Variants in SETBP1 observed in about 807,000 individuals in gnomAD.
The protein encoded by SETBP1 is SET binding protein 1, also known as SET-binding protein.
In SETBP1, 9 loss-of-function variants were observed where a neutral mutation model predicts 101.0. That is an observed-to-expected ratio of 0.09 (90% CI 0.05 to 0.16). The LOEUF is 0.16. Among genes scored for constraint, SETBP1 ranks in the 10% least tolerant of loss-of-function variants. SETBP1 has a pLI of 1.00. For missense variants in SETBP1, 1,858 were observed against 2,033.8 expected (o/e 0.91, Z 1.66); for synonymous variants, 818 against 788.5 (o/e 1.04, Z -0.63).
chr18:45,027,047 C>T (rs1387804771), intron 4 of SETBP1, among the ~76,000 whole-genome samples: 1 of 152,128 alleles, frequency 6.6e-6, no homozygotes, highest in African/African-American at 2.4e-5. Context: ...TCTAATACCT[C>T]TCCATTCTAA....
chr18:44,991,321 A>G (rs2072373819), intron 4 of SETBP1, among the ~76,000 whole-genome samples: 1 of 151,830 alleles, frequency 6.6e-6, no homozygotes, highest in Non-Finnish European at 1.5e-5. Flanking sequence ...TAAAATAATA[A>G]TAACAGTAAA....
intron 4 of SETBP1, among the ~76,000 whole-genome samples, chr18:45,033,828 G>T (rs2073344254): frequency 6.6e-6 from 1 of 152,164 alleles, no homozygotes; most frequent in African/African-American, 2.4e-5. Flanking sequence ...GGGAATCAGA[G>T]AATCTAGATC....
In SETBP1 at chr18:44,907,635, T is replaced by C. The variant is rs922843983; in HGVS notation, c.540+38352T>C. ...TGTTGATCATCTTTTCCTGTGCTTC[T>C]GGCCATATGTATATTTTTTGGAAAA... On this transcript the variant is annotated intron_variant, in intron 3 of 5. Transcript: ENST00000649279. Among the ~76,000 whole-genome samples the C allele has an allele frequency of 2.2e-4, 34 of 152,368 alleles. 1 individual carries two copies. Among genetic ancestry groups the C allele is most frequent in the Middle Eastern group, 3.4e-3 (1 of 294 alleles).
chr18:44,719,065 A>G (rs1009424906), intron 2 of SETBP1, among the ~76,000 whole-genome samples: 2 of 152,198 alleles, frequency 1.3e-5, no homozygotes, highest in Admixed American at 6.5e-5. Flanking sequence ...TGATATATTT[A>G]ATCTATGGGA....
chr18:44,976,174 T>C (rs1055856691), intron 4 of SETBP1, among the ~76,000 whole-genome samples: 2 of 151,742 alleles, frequency 1.3e-5, no homozygotes, highest in Admixed American at 1.3e-4. Flanking sequence ...AAGTCCCCTT[T>C]TGCACAAGGC....
At chr18:44,970,576 A>G (rs1036631116) in intron 4 of SETBP1, among the ~76,000 whole-genome samples, 1 of 151,550 alleles carries the variant, frequency 6.6e-6, no homozygotes, top group Non-Finnish European at 1.5e-5. Flanking sequence ...TTTGGAACAG[A>G]GTGTTGCTCT....
intron 4 of SETBP1, chr18:44,985,977 T>C (rs2072223764): frequency 6.6e-6 from 1 of 152,136 alleles, no homozygotes; most frequent in South Asian, 2.1e-4. Flanking sequence ...TTTTTAGTTT[T>C]AAAGTGAGTT....
chr18:44,744,275 C>G (rs756575282), intron 2 of SETBP1, among the ~76,000 whole-genome samples: 1 of 152,244 alleles, frequency 6.6e-6, no homozygotes, highest in Non-Finnish European at 1.5e-5. Context: ...TCTGCTGGAG[C>G]TGCACGCCTG....
intron 2 of SETBP1, among the ~76,000 whole-genome samples, chr18:44,761,543 T>A (rs56135461): frequency 1.3e-5 from 2 of 152,122 alleles, no homozygotes; most frequent in African/African-American, 4.8e-5. Context: ...TCCATGTTGA[T>A]CCTAACATTC....
intron 4 of SETBP1, among the ~76,000 whole-genome samples, chr18:44,956,443 TTATC>T (rs891501647): frequency 1.3e-5 from 2 of 151,914 alleles, no homozygotes; most frequent in Non-Finnish European, 2.9e-5. Flanking sequence ...TTCAGTGACT[TTATC>T]TGAGTGGAGG....
At chr18:44,742,039 T>C (rs2070110572) in intron 2 of SETBP1, among the ~76,000 whole-genome samples, 1 of 152,202 alleles carries the variant, frequency 6.6e-6, no homozygotes, top group Admixed American at 6.5e-5. Context: ...CAGTGCACAT[T>C]ACCCATTTCA....
chr18:44,691,853 G>A (rs1219296577), intron 1 of SETBP1, among the ~76,000 whole-genome samples: 2 of 152,206 alleles, frequency 1.3e-5, no homozygotes, highest in Non-Finnish European at 2.9e-5. Flanking sequence ...TTGAACTCAT[G>A]TTCTCTGGTC....
chr18:45,043,244 T>A (rs191760100), intron 5 of SETBP1, among the ~76,000 whole-genome samples: 1 of 152,252 alleles, frequency 6.6e-6, no homozygotes, highest in African/African-American at 2.4e-5. Flanking sequence ...ATAAGTAGAT[T>A]CCAAATGGTG....
At chr18:44,708,367 A>C (rs1277062521) in intron 2 of SETBP1, among the ~76,000 whole-genome samples, 1 of 152,192 alleles carries the variant, frequency 6.6e-6, no homozygotes, top group Non-Finnish European at 1.5e-5. Context: ...CCTGACTTGG[A>C]GATGAGGTCT....
At chr18:44,842,185 A>G (rs550535435) in intron 2 of SETBP1, among the ~76,000 whole-genome samples, 3 of 152,304 alleles carry the variant, frequency 2.0e-5, no homozygotes, top group East Asian at 3.9e-4. Flanking sequence ...AATGAGGCAC[A>G]TTGCAGGTTG....
intron 4 of SETBP1, among the ~76,000 whole-genome samples, chr18:45,012,759 A>G (rs1599446777): frequency 6.6e-6 from 1 of 152,236 alleles, no homozygotes; most frequent in African/African-American, 2.4e-5. Flanking sequence ...GTAACTCAGA[A>G]TCAGAAAGTC....
intron 3 of SETBP1, among the ~76,000 whole-genome samples, chr18:44,881,775 C>T (rs1266831110): frequency 2.6e-5 from 4 of 152,142 alleles, no homozygotes; most frequent in Admixed American, 6.6e-5. Flanking sequence ...CCAGTGCCCC[C>T]GCCCCTCACT....
intron 2 of SETBP1, among the ~76,000 whole-genome samples, chr18:44,707,728 A>T (rs2069252505): frequency 6.6e-6 from 1 of 152,216 alleles, no homozygotes; most frequent in African/African-American, 2.4e-5. Context: ...ATGGGAAGAG[A>T]GGTTGGCATT....
At chr18:44,990,673 A>C in intron 4 of SETBP1, among the ~76,000 whole-genome samples, 1 of 151,934 alleles carries the variant, frequency 6.6e-6, no homozygotes. Flanking sequence ...CCCCCCACAC[A>C]CACGTTGGCT....
Sources: allele counts gnomAD v4.1 joint callset (sites outside exome capture counted in the v4.1 genomes callset), GRCh38; gene constraint gnomAD v4.1.1; transcripts MANE v1.5; gene names NCBI Gene and HGNC (gene_info 2026-07-23, HGNC 2026-07-21).